Variants in ADGRF1 observed in about 807,000 individuals in gnomAD.
ADGRF1 encodes the protein adhesion G protein-coupled receptor F1.
ADGRF1 carries 85 observed loss-of-function variants against 87.2 expected under a neutral mutation model. The ratio of observed to expected loss-of-function variants is 0.97; its 90% CI spans 0.82 to 1.17. The LOEUF (loss-of-function observed/expected upper bound fraction) is 1.17. Ranked by LOEUF, ADGRF1 falls within the 50% of genes most tolerant of loss-of-function variation. ADGRF1 has a pLI of 0.00. For synonymous variants in ADGRF1, 430 were observed against 408.8 expected, an observed-to-expected ratio of 1.05 and a Z score of -0.63; for missense variants, 1,169 against 1,077.2, an observed-to-expected ratio of 1.09 and a Z score of -1.19.
chr6:47,023,406 C>A (rs765999669), intron 5 of ADGRF1, among the ~76,000 whole-genome samples: 6 of 152,186 alleles, frequency 3.9e-5, no homozygotes, highest in Non-Finnish European at 8.8e-5. Flanking sequence ...CTGGGGCTTC[C>A]AGTTAACTGG....
In ADGRF1 at chr6:47,016,776, G is replaced by A. The variant is rs1779893951; in HGVS notation, c.612-8C>T. ...GCAACGATGCTTCCATTTCTGCAGT[G>A]ATTATGGGGAAAGAGAAATGAGATT... On this transcript the variant is annotated splice_region_variant and splice_polypyrimidine_tract_variant and intron_variant, in intron 7 of 14. Coordinates refer to ENST00000371253, the MANE Select transcript of ADGRF1 (RefSeq NM_153840.4). The A allele has an allele frequency of 6.4e-7, 1 of 1,566,478 alleles. No individual in the cohort carries two copies. Among genetic ancestry groups the A allele is most frequent in the African/African-American group, 1.4e-5 (1 of 73,952 alleles).
intron 13 of ADGRF1, 88 bp from the exon 14 acceptor site, chr6:47,001,655 G>A: frequency 9.9e-7 from 1 of 1,006,926 alleles, no homozygotes; most frequent in Admixed American, 2.1e-5. Context: ...TGTTATTCAT[G>A]ATTCTTTATT....
chr6:47,005,989 G>T, intron 12 of ADGRF1, 113 bp from the exon 13 acceptor site: 1 of 602,698 alleles, frequency 1.7e-6, no homozygotes. Flanking sequence ...CCTAGAAGCA[G>T]TTAGTAGACC....
intron 5 of ADGRF1, among the ~76,000 whole-genome samples, chr6:47,022,808 T>TTC (rs1554136525): frequency 1.4e-5 from 2 of 147,514 alleles, no homozygotes; most frequent in African/African-American, 2.5e-5. Flanking sequence ...TTTTTTCTTT[T>TTC]TTTTTTTTTT....
chr6:47,027,066 G>A lies in ADGRF1; in HGVS notation c.127+638C>T, dbSNP rs145076978. Among the ~76,000 whole-genome samples, 525 of 152,210 alleles carry A rather than the reference G, an allele frequency of 3.4e-3. 1 individual carries two copies. The highest frequency in any genetic ancestry group is 0.012 in the African/African-American group (492 of 41,522). ...ACCAGACTCAGAGGGTCAGTGTGAG[G>A]GTTTAATTCATCTAATGCACTTCAA... On this transcript the variant is annotated intron_variant, in intron 3 of 14. Coordinates refer to ENST00000371253, the MANE Select transcript of ADGRF1 (RefSeq NM_153840.4).
At chr6:47,019,767 T>G (rs1318289037) in intron 7 of ADGRF1, 47 of 984,322 alleles carry the variant, frequency 4.8e-5, no homozygotes, top group Non-Finnish European at 5.5e-5. Flanking sequence ...AAATCACAAG[T>G]CAATTTCTCT....
At chr6:47,022,168 T>C in intron 5 of ADGRF1, 110 bp from the exon 6 acceptor site, 2 of 633,558 alleles carry the variant, frequency 3.2e-6, no homozygotes, top group Non-Finnish European at 5.4e-6. Flanking sequence ...ACAGTGATGT[T>C]TCAAATTTTT....
intron 5 of ADGRF1, among the ~76,000 whole-genome samples, chr6:47,023,427 G>T (rs561897999): frequency 6.6e-6 from 1 of 152,292 alleles, no homozygotes; most frequent in South Asian, 2.1e-4. Context: ...AGTAATCATT[G>T]CAGGAGCTTA....
At chr6:47,015,773 T>A (rs1726167223) in intron 8 of ADGRF1, among the ~76,000 whole-genome samples, 1 of 151,514 alleles carries the variant, frequency 6.6e-6, no homozygotes, top group Non-Finnish European at 1.5e-5. Flanking sequence ...TTTTTTTGTA[T>A]TTTTAGTAGA....
intron 1 of ADGRF1, among the ~76,000 whole-genome samples, chr6:47,041,200 T>C (rs765663415): frequency 1.3e-5 from 2 of 152,248 alleles, no homozygotes; most frequent in Non-Finnish European, 2.9e-5. Context: ...TAGAACACTG[T>C]TGTCAATTTG....
Position 47,001,485 on chromosome 6 carries a change from T to G in ADGRF1, c.2659+16A>C. On this transcript the variant is annotated intron_variant, in intron 14 of 14. Coordinates refer to ENST00000371253, the MANE Select transcript of ADGRF1 (RefSeq NM_153840.4). ...TTTTCACACCTTTTATAACCTTTGG[T>G]TTTATTGTAACTCACCTTTGTTTTG... 2.5e-6 allele frequency: 4 copies of G among 1,611,188 alleles called. No homozygotes were observed. Among genetic ancestry groups the G allele is most frequent in the Non-Finnish European group, 3.4e-6 (4 of 1,177,884 alleles).
At chr6:47,019,911 G>T in intron 7 of ADGRF1, 1 of 985,178 alleles carries the variant, frequency 1.0e-6, no homozygotes, top group Non-Finnish European at 1.2e-6. Context: ...TTCTTTATTT[G>T]CTGTAAACAA....
chr6:47,021,926 G>T (rs754934911), intron 6 of ADGRF1, 32 bp downstream of exon 6: 4 of 1,174,558 alleles, frequency 3.4e-6, no homozygotes, highest in Admixed American at 3.9e-5. Context: ...TGTAGCAAAC[G>T]ATTCCTTATA....
At chr6:47,018,186 T>C (rs535965825) in intron 7 of ADGRF1, 47 of 297,802 alleles carry the variant, frequency 1.6e-4, no homozygotes, top group South Asian at 1.5e-3. Context: ...TTCAGGGGAG[T>C]GCCCGAGCTC....
chr6:47,034,167 T>C (rs539207778), intron 1 of ADGRF1, among the ~76,000 whole-genome samples: 32 of 152,354 alleles, frequency 2.1e-4, no homozygotes, highest in African/African-American at 7.7e-4. Flanking sequence ...GGTTTCCTCC[T>C]TTATACAGTA....
rs1779618083 is a variant in ADGRF1, at chr6:47,009,133, T to G, written c.2302A>C (p.Lys768Gln). ...NFVVVLLVLT[K>Q]LWRPTVGERL... ...TCCCCAACAGTCGGCCTCCAGAGCT[T>G]TGTGAGAACTAGCAGCACCACAACG... The change falls in exon 11 of 15, where the codon AAG becomes CAG. Residue 768 changes from lysine (K) to glutamine (Q), a missense_variant. Transcript: ENST00000371253. 1.2e-6 allele frequency: 2 copies of G among 1,613,996 alleles called. No homozygotes were observed. The highest frequency in any genetic ancestry group is 1.7e-6 in the Non-Finnish European group (2 of 1,180,018).
At chr6:47,033,111 C>A (rs1325842415) in intron 1 of ADGRF1, among the ~76,000 whole-genome samples, 1 of 152,198 alleles carries the variant, frequency 6.6e-6, no homozygotes, top group Admixed American at 6.5e-5. Flanking sequence ...CTGTTGTTGT[C>A]ATTAGAGCAT....
chr6:47,024,350 T>C, intron 4 of ADGRF1, 133 bp from the exon 5 acceptor site: 1 of 694,234 alleles, frequency 1.4e-6, no homozygotes, highest in Non-Finnish European at 2.4e-6. Flanking sequence ...TGTTTTGTTT[T>C]GTTGCCTAGG....
chr6:47,005,231 C>T (rs1779488198), intron 13 of ADGRF1, among the ~76,000 whole-genome samples: 1 of 152,222 alleles, frequency 6.6e-6, no homozygotes, highest in South Asian at 2.1e-4. Flanking sequence ...ATGGATTATA[C>T]TTTTATGGCA....
Sources: allele counts gnomAD v4.1 joint callset (sites outside exome capture counted in the v4.1 genomes callset), GRCh38; gene constraint gnomAD v4.1.1; transcripts MANE v1.5; gene names NCBI Gene and HGNC (gene_info 2026-07-23, HGNC 2026-07-21).